CIC: variants seen among roughly 807,000 people sequenced by gnomAD.
CIC encodes the protein protein capicua homolog.
A neutral mutation model predicts 115.7 loss-of-function variants in CIC; 18 were observed. The observed-to-expected ratio is 0.16, with a 90% CI of 0.11 to 0.23. The LOEUF is 0.23. Ranked by LOEUF, CIC falls within the 10% of genes least tolerant of loss-of-function variation. The probability of loss-of-function intolerance (pLI) is 1.00; values close to 1 mark genes in which losing one functional copy is unlikely to be tolerated. For missense variants in CIC, 2,000 were observed against 2,159.3 expected, an observed-to-expected ratio of 0.93 and a Z score of 1.46; for synonymous variants, 1,076 against 923.0, an observed-to-expected ratio of 1.17 and a Z score of -3.01.
Position 42,287,464 on chromosome 19 carries a change from C to A in CIC, c.3309+15C>A, listed in dbSNP as rs781571434. 2 of 1,612,692 alleles carry A rather than the reference C, an allele frequency of 1.2e-6. No homozygotes were observed. The highest frequency in any genetic ancestry group is 1.7e-6 in the Non-Finnish European group (2 of 1,180,020). ...GCCCCAACAAGGTACTTTATCCCTG[C>A]CTGTCCTGTGCTCACCCCGTGGCCA... On this transcript the variant is annotated intron_variant, in intron 5 of 20. Coordinates refer to ENST00000681038, the MANE Select transcript of CIC (RefSeq NM_001386298.1). This position sits in a 1 kb window ranked among gnomAD's most constrained non-coding sequence, Gnocchi z 8.7.
rs1487197292 is a variant in CIC, at chr19:42,292,695, C to T, written c.6032C>T (p.Pro2011Leu). 3 of 1,613,738 alleles carry T rather than the reference C, an allele frequency of 1.9e-6. No individual in the cohort carries two copies. Among genetic ancestry groups the T allele is most frequent in the Non-Finnish European group, 2.5e-6 (3 of 1,179,964 alleles). Residue 2011 changes from proline (P) to leucine (L), a missense_variant, in exon 15 of 21, where the codon CCC (proline) becomes CTC (leucine). By Grantham distance (98) the Pro-to-Leu change is moderately conservative (BLOSUM62 -3). This residue lies in a region of CIC where 1,466 missense variants were observed against 1,390.4 expected (regional missense o/e 1.05). Coordinates refer to ENST00000681038, the MANE Select transcript of CIC (RefSeq NM_001386298.1). ...GCATTTTACTCTGGCAGCCCTGCAC[C>T]CACCTCCTCAGCACCCCTGGCCCAG... Reference protein sequence around the residue: ...ITAFYSGSPAPTSSAPLAQPS... With the variant: ...ITAFYSGSPALTSSAPLAQPS...
Position 42,293,669 on chromosome 19 carries a change from T to C in CIC, c.6600T>C (p.Thr2200=). 2.5e-6 allele frequency: 4 copies of C among 1,612,756 alleles called. No individual in the cohort carries two copies. Among genetic ancestry groups the C allele is most frequent in the South Asian group, 1.1e-5 (1 of 91,046 alleles). The stretch of plus-strand genomic sequence containing the variant: ...TGGAGAATCGTGGGGAGCCTCCCAC[T>C]CCTCCCAGCCCGGCCCCAGCTCCAG... ...QGLENRGEPP[T]PPSPAPAPAV... The change falls in exon 17 of 21, where the codon ACT becomes ACC. Residue 2200 remains threonine, a synonymous_variant. Transcript: ENST00000681038.
chr19:42,286,636 T>C lies in CIC; in HGVS notation c.2795-135T>C, dbSNP rs1042104712. The C allele has an allele frequency of 2.8e-6, 3 of 1,086,952 alleles. No individual in the cohort carries two copies. The African/African-American group carries it at 5.4e-5, about 19-fold the overall frequency. 67.3% of individuals were successfully genotyped at this position (1,086,952 alleles called of 1,614,324 possible). ...TCCTGAGTGACGTTGCATGGACGAGTCCAAGAGGCTCTGGTGTTGGGGGTG... is the reference window on the plus strand; with the variant it reads ...TCCTGAGTGACGTTGCATGGACGAGCCCAAGAGGCTCTGGTGTTGGGGGTG... On this transcript the variant is annotated intron_variant, in intron 2 of 20. Coordinates refer to ENST00000681038, the MANE Select transcript of CIC (RefSeq NM_001386298.1).
rs2037182804 is a variant in CIC, at chr19:42,280,521, C to T, written c.2794+5944C>T. Reference sequence around the variant, plus strand: ...TCTCGCCCGCTGACCGCTGATTGGCCGAGACCTGCTTCTCCGCCCCTGAGC... The same window carrying T: ...TCTCGCCCGCTGACCGCTGATTGGCTGAGACCTGCTTCTCCGCCCCTGAGC... On this transcript the variant is annotated intron_variant, in intron 2 of 20. Coordinates refer to ENST00000681038, the MANE Select transcript of CIC (RefSeq NM_001386298.1). The surrounding 1 kb of genome is among the most constrained non-coding windows in gnomAD (Gnocchi z 4.9). Among the ~76,000 whole-genome samples the T allele has an allele frequency of 6.6e-6, 1 of 152,178 alleles. No homozygotes were observed. The highest frequency in any genetic ancestry group is 2.1e-4 in the South Asian group (1 of 4,830).
In CIC at chr19:42,293,710, G is replaced by A. The variant is rs754252481; in HGVS notation, c.6641G>A (p.Gly2214Asp). ...PAPAPAVAPGGSSESSSGRAA... is the reference protein window; with the variant it reads ...PAPAPAVAPGDSSESSSGRAA... ...CCAGCTCCAGCTGTAGCCCCTGGTGGCAGCAGCGAGAGCAGCAGTGGGCGG... is the reference window on the plus strand; with the variant it reads ...CCAGCTCCAGCTGTAGCCCCTGGTGACAGCAGCGAGAGCAGCAGTGGGCGG... The change falls in exon 17 of 21, where the codon GGC becomes GAC. Residue 2214 changes from glycine (G) to aspartate (D), a missense_variant. Transcript: ENST00000681038. The A allele has an allele frequency of 9.9e-6, 16 of 1,612,838 alleles. No individual in the cohort carries two copies. The highest frequency in any genetic ancestry group is 1.4e-5 in the Non-Finnish European group (16 of 1,179,790).
intron 2 of CIC, among the ~76,000 whole-genome samples, chr19:42,275,268 A>G (rs1471142320): frequency 6.6e-6 from 1 of 152,208 alleles, no homozygotes; most frequent in African/African-American, 2.4e-5. Flanking sequence ...TGGAGCCCTC[A>G]TCTTTACCAC....
Position 42,294,826 on chromosome 19 carries a change from C to A in CIC, c.7189C>A (p.Gln2397Lys). The part of the protein sequence containing the change: ...FQDHGFFPSA[Q>K]ATAAFQARYA... ...CCCCACCGTTTTTCTATCTCCAGCC[C>A]AGGCCACAGCCGCCTTCCAGGCCCG... The change falls in exon 21 of 21, where the codon CAG becomes AAG. Residue 2397 changes from glutamine to lysine, a missense_variant and splice_region_variant. Gln to Lys is a moderately conservative substitution (Grantham distance 53). This residue lies in a region of CIC where 99 missense variants were observed against 217.6 expected (regional missense o/e 0.45). Transcript: ENST00000681038. 1 of 1,602,994 alleles carries A rather than the reference C, an allele frequency of 6.2e-7. No individual in the cohort carries two copies. Among genetic ancestry groups the A allele is most frequent in the Non-Finnish European group, 8.5e-7 (1 of 1,179,958 alleles).
At chr19:42,279,039 C>T (rs1434019037) in intron 2 of CIC, among the ~76,000 whole-genome samples, 1 of 152,224 alleles carries the variant, frequency 6.6e-6, no homozygotes, top group Non-Finnish European at 1.5e-5. Flanking sequence ...TTACCCCTTG[C>T]CTTTCATTTG....
chr19:42,286,336 G>T (rs893376210), intron 2 of CIC, among the ~76,000 whole-genome samples: 1 of 152,158 alleles, frequency 6.6e-6, no homozygotes, highest in Admixed American at 6.5e-5. Flanking sequence ...ATGAGGCCAA[G>T]GTGAGACGCT....
At chr19:42,269,228 G>C (rs928504378), upstream of CIC, 1 of 151,720 alleles carries the variant, frequency 6.6e-6, no homozygotes, top group Non-Finnish European at 1.5e-5. Context: ...TTGGCTGGCT[G>C]CTCCAGCTGT....
chr19:42,286,735 C>T (rs753170028), intron 2 of CIC, 36 bp from the exon 3 acceptor site: 2 of 1,613,428 alleles, frequency 1.2e-6, no homozygotes. Flanking sequence ...GGGCCAGGCT[C>T]TCCTGCTGCA....
At chr19:42,289,823 C>T (rs929890972) in intron 9 of CIC, 25 bp from the exon 10 acceptor site, 4 of 1,552,900 alleles carry the variant, frequency 2.6e-6, no homozygotes, top group South Asian at 1.2e-5. Context: ...GCCCCCTCCC[C>T]ATACTGTTCC....
In CIC at chr19:42,287,316, G is replaced by A. The variant is rs769270589; in HGVS notation, c.3180-4G>A. The A allele has an allele frequency of 6.2e-6, 10 of 1,613,964 alleles. No individual in the cohort carries two copies. Among genetic ancestry groups the A allele is most frequent in the Middle Eastern group, 1.6e-4 (1 of 6,082 alleles). ...CCCTCACTGTCCCTGCTGCCCCGCC[G>A]CAGCTTCCTCTCCATCATGTCTCCT... is the stretch of plus-strand genomic sequence containing the variant. On this transcript the variant is annotated splice_polypyrimidine_tract_variant and splice_region_variant and intron_variant, in intron 4 of 20. Transcript: ENST00000681038. This position sits in a 1 kb window ranked among gnomAD's most constrained non-coding sequence, Gnocchi z 8.7.
chr19:42,294,309 C>A lies in CIC; in HGVS notation c.7054+5C>A, dbSNP rs767495242. 1.9e-6 allele frequency: 3 copies of A among 1,612,720 alleles called. No homozygotes were observed. Among genetic ancestry groups the A allele is most frequent in the Non-Finnish European group, 2.5e-6 (3 of 1,179,994 alleles). Reference sequence around the variant, plus strand: ...TCTTCACCTTTGACCGTACAGGTGCCGTGGTGGGCAGAACTTTGGGGGCCT... The same window carrying A: ...TCTTCACCTTTGACCGTACAGGTGCAGTGGTGGGCAGAACTTTGGGGGCCT... On this transcript the variant is annotated splice_donor_5th_base_variant and intron_variant, in intron 19 of 20. Coordinates refer to ENST00000681038, the MANE Select transcript of CIC (RefSeq NM_001386298.1).
At chr19:42,291,768 A>G (rs755839608) in intron 12 of CIC, 23 bp downstream of exon 12, 4 of 1,612,018 alleles carry the variant, frequency 2.5e-6, no homozygotes, top group East Asian at 4.5e-5. Flanking sequence ...CTTTCTCTCT[A>G]CCTGCTGGAT....
At position 42,288,891 on chromosome 19, in the gene CIC, C is replaced by T. The variant is rs749214372; in HGVS notation, c.3662C>T (p.Ser1221Phe). 2.4e-5 allele frequency: 39 copies of T among 1,613,812 alleles called. No homozygotes were observed. Among genetic ancestry groups the T allele is most frequent in the African/African-American group, 2.7e-5 (2 of 74,912 alleles). Residue 1221 changes from serine to phenylalanine, a missense_variant, in exon 8 of 21, where the codon TCC (serine) becomes TTC (phenylalanine). Around this residue, in one of 8 missense-constraint regions of CIC, gnomAD observed 1,466 missense variants for 1,390.4 expected, o/e 1.05. Transcript: ENST00000681038. ...ETGTAAAPGV[S>F]SELLSVAAQT... ...AGCGCCACTCTCTACTTTACAGTGTCCTCTGAGCTCCTGTCCGTTGCAGCC... is the reference window on the plus strand; with the variant it reads ...AGCGCCACTCTCTACTTTACAGTGTTCTCTGAGCTCCTGTCCGTTGCAGCC...
Position 42,292,574 on chromosome 19 carries a change from G to T in CIC, c.5911G>T (p.Ala1971Ser). The T allele has an allele frequency of 6.2e-7, 1 of 1,613,232 alleles. No homozygotes were observed. The highest frequency in any genetic ancestry group is 8.5e-7 in the Non-Finnish European group (1 of 1,179,914). ...FVQPLLSAGQ[A>S]PLLAPGQVGV... ...TCTTCTCTGTCTTTCAGCAGGCCAAGCCCCACTGCTGGCTCCCGGTCAGGT... is the reference window on the plus strand; with the variant it reads ...TCTTCTCTGTCTTTCAGCAGGCCAATCCCCACTGCTGGCTCCCGGTCAGGT... The change falls in exon 15 of 21, where the codon GCC becomes TCC. Residue 1971 changes from alanine to serine, a missense_variant. This residue lies in a region of CIC where 1,466 missense variants were observed against 1,390.4 expected (regional missense o/e 1.05). Coordinates refer to ENST00000681038, the MANE Select transcript of CIC (RefSeq NM_001386298.1).
rs2036856795 is a variant in CIC, at chr19:42,273,450, C to T, written c.1667C>T (p.Thr556Met). 4 of 398,322 alleles carry T rather than the reference C, an allele frequency of 1.0e-5. No homozygotes were observed. Among genetic ancestry groups the T allele is most frequent in the Non-Finnish European group, 1.8e-5 (4 of 225,980 alleles). The allele number at this position is 398,322 out of a possible 1,614,324, so 24.7% of individuals were successfully genotyped here. Residue 556 changes from threonine to methionine, a missense_variant, in exon 2 of 21, where the codon ACG becomes ATG. This residue lies in a region of CIC where 222 missense variants were observed against 247.7 expected (regional missense o/e 0.90). Coordinates refer to ENST00000681038, the MANE Select transcript of CIC (RefSeq NM_001386298.1). Reference protein sequence around the residue: ...PAAVAAREGSTEFDWGDETSR... With the variant: ...PAAVAAREGSMEFDWGDETSR... ...GCCGTGGCAGCCCGTGAGGGCAGCA[C>T]GGAGTTTGACTGGGGTGATGAGACG...
Position 42,287,508 on chromosome 19 carries a change from G to A in CIC, c.3310-37G>A, listed in dbSNP as rs2147193316. 1 of 1,612,340 alleles carries A rather than the reference G, an allele frequency of 6.2e-7. No homozygotes were observed. The highest frequency in any genetic ancestry group is 2.2e-5 in the East Asian group (1 of 44,884). ...GTGGCCACCCACACCTGTCTGCCAG[G>A]TCCTAACTGTCCCGCTCTGGGCTGT... On this transcript the variant is annotated intron_variant, in intron 5 of 20. Coordinates refer to ENST00000681038, the MANE Select transcript of CIC (RefSeq NM_001386298.1). The surrounding 1 kb of genome is among the most constrained non-coding windows in gnomAD (Gnocchi z 8.7).
Sources: gnomAD v4.1 joint callset for allele counts (sites outside exome capture counted in the v4.1 genomes callset) on GRCh38, gnomAD v4.1.1 for gene constraint, gnomAD v4.1.1 regional missense constraint, Gnocchi (gnomAD v3.1) non-coding constraint, MANE v1.5 for transcripts, NCBI Gene and HGNC (gene_info 2026-07-23, HGNC 2026-07-21) for gene names.